Variants in KCNK2 observed in about 807,000 individuals in gnomAD.
KCNK2 encodes the protein potassium two pore domain channel subfamily K member 2.
KCNK2 carries 21 observed loss-of-function variants against 40.5 expected under a neutral mutation model. The ratio of observed to expected loss-of-function variants is 0.52; its 90% CI spans 0.37 to 0.75. The LOEUF (loss-of-function observed/expected upper bound fraction) is 0.75, where lower values mean the gene tolerates loss of function less well. Ranked by LOEUF, KCNK2 falls within the 30% of genes least tolerant of loss-of-function variation. KCNK2 has a pLI of 0.00. For missense variants in KCNK2, 399 were observed against 531.6 expected, an observed-to-expected ratio of 0.75 and a Z score of 2.45; for synonymous variants, 191 against 202.2, an observed-to-expected ratio of 0.94 and a Z score of 0.47.
At chr1:215,022,698 A>G (rs537890932) in intron 1 of KCNK2, among the ~76,000 whole-genome samples, 10 of 152,262 alleles carry the variant, frequency 6.6e-5, no homozygotes, top group Admixed American at 2.6e-4. Flanking sequence ...AACTTGGCCT[A>G]TGGTTTGGGG....
rs74140849 is a variant in KCNK2, at chr1:215,009,997, G to T, written c.34+4042G>T. Among the ~76,000 whole-genome samples, 1,387 of 152,260 alleles carry T rather than the reference G, an allele frequency of 9.1e-3. 21 individuals carry two copies. The highest frequency in any genetic ancestry group is 0.032 in the African/African-American group (1,319 of 41,554). The stretch of plus-strand genomic sequence containing the variant: ...TTGGACAACTGTATTTTATGTGTGT[G>T]TGTCTCAAATTAACAGTGACAACAT... On this transcript the variant is annotated intron_variant, in intron 1 of 6. Coordinates refer to the KCNK2 transcript ENST00000391895.
intron 3 of KCNK2, among the ~76,000 whole-genome samples, chr1:215,125,054 A>G (rs1661354102): frequency 6.6e-6 from 1 of 152,188 alleles, no homozygotes; most frequent in African/African-American, 2.4e-5. Flanking sequence ...TTAGGCAATT[A>G]GTTTTTAATT....
intron 1 of KCNK2, among the ~76,000 whole-genome samples, chr1:215,045,310 T>A (rs1012642828): frequency 6.6e-6 from 1 of 152,120 alleles, no homozygotes; most frequent in Non-Finnish European, 1.5e-5. Context: ...ATCAATAGAA[T>A]AACCGTTGGT....
rs143379934 is a variant in KCNK2 at position 215,210,369 on chromosome 1, C to A, written c.963+15277C>A. On this transcript the variant is annotated intron_variant, in intron 6 of 6. Coordinates refer to ENST00000444842, the MANE Select transcript of KCNK2 (RefSeq NM_001017425.3). ...GCAACAAGGTCATATATAAGCAGGGCAGGGTAAGAATTGCTTTCCTATTTT... is the reference window on the plus strand; with the variant it reads ...GCAACAAGGTCATATATAAGCAGGGAAGGGTAAGAATTGCTTTCCTATTTT... 3.2e-3 allele frequency among the ~76,000 whole-genome samples: 489 copies of A among 151,780 alleles called. 2 individuals carry two copies. The highest frequency in any genetic ancestry group is 0.011 in the African/African-American group (468 of 41,452).
rs537215270 is a variant in KCNK2 at position 215,082,944 on chromosome 1, C to T, written c.-442C>T. The stretch of plus-strand genomic sequence containing the variant: ...CGCACGGCAGCTGGGGCTGCACCCA[C>T]CGCCCCCGCGCCGCGCCGTGCCGGG... On this transcript the variant is annotated 5_prime_UTR_variant, in exon 1 of 7. Transcript: ENST00000444842. Among the ~76,000 whole-genome samples the T allele has an allele frequency of 1.4e-3, 203 of 149,634 alleles. 1 individual carries two copies. Among genetic ancestry groups the T allele is most frequent in the Non-Finnish European group, 2.3e-3 (153 of 67,342 alleles).
At chr1:215,230,350 T>A (rs1276777997) in intron 6 of KCNK2, among the ~76,000 whole-genome samples, 1 of 149,874 alleles carries the variant, frequency 6.7e-6, no homozygotes, top group Non-Finnish European at 1.5e-5. Flanking sequence ...CGATGGTGAG[T>A]ATTTGTGTAT....
At chr1:215,012,257 A>C (rs990860848) in intron 1 of KCNK2, among the ~76,000 whole-genome samples, 1 of 152,152 alleles carries the variant, frequency 6.6e-6, no homozygotes, top group African/African-American at 2.4e-5. Flanking sequence ...ACCATTTTGC[A>C]TGTCCACCAG....
intron 5 of KCNK2, among the ~76,000 whole-genome samples, chr1:215,193,272 T>G (rs147674152): frequency 1.2e-4 from 18 of 152,286 alleles, no homozygotes; most frequent in Non-Finnish European, 2.1e-4. Flanking sequence ...TTTTTGTGAA[T>G]TGGGCAAATC....
intron 2 of KCNK2, among the ~76,000 whole-genome samples, chr1:215,098,501 A>G (rs2102547523): frequency 6.6e-6 from 1 of 152,058 alleles, no homozygotes; most frequent in South Asian, 2.1e-4. Context: ...TAAAAATTTA[A>G]TTAAACGTCG....
chr1:215,083,120 A>T lies in KCNK2; in HGVS notation c.-266A>T, dbSNP rs1391010077. The T allele has an allele frequency of 7.9e-6, 5 of 629,898 alleles. No homozygotes were observed. The Admixed American group carries it at 1.6e-4, about 21-fold the overall frequency. The allele number at this position is 629,898 out of a possible 1,614,324, so 39.0% of individuals were successfully genotyped here. On this transcript the variant is annotated 5_prime_UTR_variant, in exon 1 of 7. Transcript: ENST00000444842. ...GCGGGGGCGGCGGCGCCCAAGCCCAACTTGGCCTCCGCCTCGCCCTCTGCC... is the reference window on the plus strand; with the variant it reads ...GCGGGGGCGGCGGCGCCCAAGCCCATCTTGGCCTCCGCCTCGCCCTCTGCC...
intron 3 of KCNK2, among the ~76,000 whole-genome samples, chr1:215,159,845 T>C (rs1253260296): frequency 6.6e-6 from 1 of 152,190 alleles, no homozygotes; most frequent in African/African-American, 2.4e-5. Flanking sequence ...ATCATCTTAA[T>C]AGGACAAGCT....
intron 1 of KCNK2, among the ~76,000 whole-genome samples, chr1:215,070,255 C>A (rs1428001755): frequency 1.5e-5 from 2 of 132,856 alleles, no homozygotes; most frequent in African/African-American, 2.7e-5. Context: ...CTAAAAAAAA[C>A]ACAAAAAGAA....
chr1:215,079,918 G>A (rs1006102595), upstream of KCNK2, among the ~76,000 whole-genome samples: 8 of 152,154 alleles, frequency 5.3e-5, no homozygotes, highest in African/African-American at 1.9e-4. Context: ...TTGTTGGGAT[G>A]ATTCCTGTTA....
At chr1:215,191,350 T>C (rs1475662384) in intron 5 of KCNK2, among the ~76,000 whole-genome samples, 1 of 152,014 alleles carries the variant, frequency 6.6e-6, no homozygotes, top group African/African-American at 2.4e-5. Flanking sequence ...TGTTGCCTAA[T>C]CAATGATTCT....
At chr1:215,011,916 T>A (rs1017760034) in intron 1 of KCNK2, among the ~76,000 whole-genome samples, 1 of 79,352 alleles carries the variant, frequency 1.3e-5, no homozygotes, top group African/African-American at 3.4e-5. Flanking sequence ...TTGAGTCTGA[T>A]TTTTTTTCAC....
intron 1 of KCNK2, among the ~76,000 whole-genome samples, chr1:215,012,519 T>C (rs760446419): frequency 1.3e-5 from 2 of 151,948 alleles, no homozygotes; most frequent in East Asian, 1.9e-4. Context: ...GTCACCCAGA[T>C]TGGAGTGAAG....
At chr1:215,069,108 T>C (rs1409386050) in intron 1 of KCNK2, among the ~76,000 whole-genome samples, 1 of 152,126 alleles carries the variant, frequency 6.6e-6, no homozygotes, top group Non-Finnish European at 1.5e-5. Flanking sequence ...GAAATCTGAG[T>C]ATGTCCATTG....
chr1:215,221,085 C>T (rs994660934), intron 6 of KCNK2, among the ~76,000 whole-genome samples: 9 of 152,200 alleles, frequency 5.9e-5, no homozygotes, highest in Non-Finnish European at 1.0e-4. Context: ...TAAAAAACTA[C>T]TTGGCTGGGC....
At chr1:215,044,908 C>T (rs1427901474) in intron 1 of KCNK2, among the ~76,000 whole-genome samples, 2 of 152,030 alleles carry the variant, frequency 1.3e-5, no homozygotes, top group Non-Finnish European at 2.9e-5. Context: ...CAGTGGCACA[C>T]GCCTGTAATC....
Sources: gnomAD v4.1 joint callset for allele counts (sites outside exome capture counted in the v4.1 genomes callset) on GRCh38, gnomAD v4.1.1 for gene constraint, MANE v1.5 for transcripts, NCBI Gene and HGNC (gene_info 2026-07-23, HGNC 2026-07-21) for gene names.